POFUT3: variants seen among roughly 807,000 people sequenced by gnomAD.
The protein encoded by POFUT3 is GDP-fucose protein O-fucosyltransferase 3.
the POFUT3 span, among the ~76,000 whole-genome samples, chr8:33,321,763 T>C: frequency 6.6e-6 from 1 of 152,052 alleles, no homozygotes; most frequent in Non-Finnish European, 1.5e-5. Flanking sequence ...ACCAAAAACA[T>C]GGGGATCTCC....
the POFUT3 span, among the ~76,000 whole-genome samples, chr8:33,398,374 TA>T: frequency 6.6e-5 from 10 of 152,322 alleles, no homozygotes; most frequent in South Asian, 2.1e-3. Context: ...CACAGATGAC[TA>T]GTCAAATCCC....
At chr8:33,363,238 C>G in the POFUT3 span, among the ~76,000 whole-genome samples, 11 of 152,260 alleles carry the variant, frequency 7.2e-5, no homozygotes, top group East Asian at 1.9e-3. Context: ...AAAGACACAA[C>G]GTACCAGAAT....
At chr8:33,380,779 G>A in the POFUT3 span, among the ~76,000 whole-genome samples, 1 of 151,476 alleles carries the variant, frequency 6.6e-6, no homozygotes, top group Non-Finnish European at 1.5e-5. Context: ...CAAGACTGCA[G>A]TGAGCTATGA....
At chr8:33,336,220 C>T in the POFUT3 span, among the ~76,000 whole-genome samples, 1 of 152,090 alleles carries the variant, frequency 6.6e-6, no homozygotes, top group African/African-American at 2.4e-5. Context: ...TTTTTAACTT[C>T]CTAGTTACAA....
At chr8:33,311,154 C>T in the POFUT3 span, among the ~76,000 whole-genome samples, 1 of 152,194 alleles carries the variant, frequency 6.6e-6, no homozygotes, top group South Asian at 2.1e-4. Context: ...ATTACATCCT[C>T]AATACCTTCA....
the POFUT3 span, among the ~76,000 whole-genome samples, chr8:33,316,441 C>T: frequency 2.0e-5 from 3 of 151,898 alleles, no homozygotes; most frequent in Non-Finnish European, 4.4e-5. Flanking sequence ...AAAATTTTAG[C>T]CAGGCACGGT....
At chr8:33,471,328 A>G in the POFUT3 span, among the ~76,000 whole-genome samples, 2 of 152,012 alleles carry the variant, frequency 1.3e-5, no homozygotes, top group African/African-American at 4.8e-5. Flanking sequence ...GCTCACCGCA[A>G]CTTCCTCCTT....
At chr8:33,357,316 G>A in the POFUT3 span, among the ~76,000 whole-genome samples, 2 of 151,948 alleles carry the variant, frequency 1.3e-5, no homozygotes, top group African/African-American at 4.8e-5. Flanking sequence ...ATTTTAATAT[G>A]AGTGTCTATC....
At chr8:33,338,837 A>G in the POFUT3 span, 1 of 152,194 alleles carries the variant, frequency 6.6e-6, no homozygotes, top group South Asian at 2.1e-4. Context: ...AGCTAAAACA[A>G]AAGGCTTAAA....
At chr8:33,404,337 C>CAA in the POFUT3 span, among the ~76,000 whole-genome samples, 2 of 110,944 alleles carry the variant, frequency 1.8e-5, no homozygotes, top group East Asian at 2.5e-4. Context: ...GGCTCTGTCT[C>CAA]AAAAAAAAAA....
the POFUT3 span, among the ~76,000 whole-genome samples, chr8:33,450,489 A>G: frequency 6.6e-6 from 1 of 152,254 alleles, no homozygotes; most frequent in Non-Finnish European, 1.5e-5. Context: ...ACAATCTAGG[A>G]CATAGAACTA....
the POFUT3 span, among the ~76,000 whole-genome samples, chr8:33,444,424 C>T: frequency 1.3e-5 from 2 of 151,926 alleles, no homozygotes; most frequent in African/African-American, 4.8e-5. Context: ...CGTGTGTGCT[C>T]GCAGGCTACC....
the POFUT3 span, among the ~76,000 whole-genome samples, chr8:33,445,964 G>A: frequency 3.4e-4 from 51 of 152,156 alleles, no homozygotes; most frequent in Middle Eastern, 3.2e-3. Flanking sequence ...CACCTGCCAG[G>A]TTCAGAGGAC....
chr8:33,436,840 T>C, the POFUT3 span: 3 of 421,812 alleles, frequency 7.1e-6, no homozygotes, highest in African/African-American at 4.1e-5. Context: ...TGCTGAAGTT[T>C]AGGGTATGAA....
the POFUT3 span, among the ~76,000 whole-genome samples, chr8:33,326,336 C>T: frequency 6.6e-6 from 1 of 152,190 alleles, no homozygotes; most frequent in Admixed American, 6.5e-5. Context: ...TCATAGTGCC[C>T]TAATTCAAGA....
the POFUT3 span, chr8:33,453,214 A>G: frequency 1.2e-6 from 2 of 1,612,918 alleles, no homozygotes; most frequent in African/African-American, 2.7e-5. Flanking sequence ...AGTCCTGCTT[A>G]CCATAGAAGA....
the POFUT3 span, among the ~76,000 whole-genome samples, chr8:33,352,204 G>A: frequency 2.6e-5 from 4 of 152,244 alleles, no homozygotes; most frequent in South Asian, 2.1e-4. Flanking sequence ...AATTTCACAC[G>A]CTTACAAAAA....
the POFUT3 span, among the ~76,000 whole-genome samples, chr8:33,459,137 C>T: frequency 6.6e-6 from 1 of 152,098 alleles, no homozygotes; most frequent in Non-Finnish European, 1.5e-5. Context: ...GTCAGGAGTT[C>T]GAGACCAGCC....
chr8:33,316,981 T>G, the POFUT3 span, among the ~76,000 whole-genome samples: 1 of 151,832 alleles, frequency 6.6e-6, no homozygotes, highest in Non-Finnish European at 1.5e-5. Context: ...GTCCCCCACC[T>G]GAGACTGAGA....
Sources: gnomAD v4.1 joint callset for allele counts (sites outside exome capture counted in the v4.1 genomes callset) on GRCh38, gnomAD v4.1.1 for gene constraint, MANE v1.5 for transcripts, NCBI Gene and HGNC (gene_info 2026-07-23, HGNC 2026-07-21) for gene names.